METAP1D: variants seen among roughly 807,000 people sequenced by gnomAD.
METAP1D encodes the protein methionine aminopeptidase 1D, mitochondrial.
METAP1D carries 31 observed loss-of-function variants against 40.5 expected under a neutral mutation model. That is an observed-to-expected ratio of 0.77 (90% CI 0.58 to 1.03). The LOEUF (loss-of-function observed/expected upper bound fraction) is 1.03. Among genes scored for constraint, METAP1D ranks in the 50% least tolerant of loss-of-function variants. METAP1D has a pLI of 0.00. For missense variants in METAP1D, 411 were observed against 420.7 expected (o/e 0.98, Z 0.20); for synonymous variants, 151 against 146.4 (o/e 1.03, Z -0.22).
At chr2:172,008,346 A>G (rs542738827) in intron 1 of METAP1D, among the ~76,000 whole-genome samples, 10 of 152,318 alleles carry the variant, frequency 6.6e-5, no homozygotes, top group South Asian at 6.2e-4. Context: ...TTTATCAGCT[A>G]GAAAACATCT....
chr2:172,043,049 A>G lies in METAP1D; in HGVS notation c.41-18449A>G, dbSNP rs1319114512. 3.3e-5 allele frequency among the ~76,000 whole-genome samples: 4 copies of G among 119,648 alleles called. 1 individual carries two copies. Among genetic ancestry groups the G allele is most frequent in the Non-Finnish European group, 7.9e-5 (4 of 50,848 alleles). The allele number at this position is 119,648 out of a possible 152,430, so 78.5% of individuals were successfully genotyped here. A position where few individuals can be genotyped will look rare whatever the true frequency, so the allele number is the denominator to read the frequency against. On this transcript the variant is annotated intron_variant, in intron 1 of 9. Coordinates refer to ENST00000315796, the MANE Select transcript of METAP1D (RefSeq NM_199227.3). ...TATGTGTATATGTGTACACGTGTAC[A>G]CATATATGTGTATATATATACGTGT...
intron 1 of METAP1D, among the ~76,000 whole-genome samples, chr2:172,025,671 G>A (rs184544540): frequency 6.6e-6 from 1 of 152,200 alleles, no homozygotes; most frequent in African/African-American, 2.4e-5. Context: ...ATAATGGTAT[G>A]AGTCTCCATG....
intron 1 of METAP1D, among the ~76,000 whole-genome samples, chr2:172,015,173 G>T (rs1327366105): frequency 1.3e-5 from 2 of 152,260 alleles, no homozygotes; most frequent in East Asian, 1.9e-4. Context: ...GTCGGGCGTG[G>T]TGGCTCACGC....
At chr2:172,024,494 C>T (rs1468511069) in intron 1 of METAP1D, among the ~76,000 whole-genome samples, 1 of 152,026 alleles carries the variant, frequency 6.6e-6, no homozygotes, top group African/African-American at 2.4e-5. Context: ...CAACCAATGA[C>T]CTCTCCAGGC....
chr2:172,078,201 G>A (rs540450355), intron 7 of METAP1D, among the ~76,000 whole-genome samples: 9 of 152,218 alleles, frequency 5.9e-5, no homozygotes, highest in Non-Finnish European at 8.8e-5. Flanking sequence ...AAAACAAAAC[G>A]CCACTGCATC....
intron 5 of METAP1D, 139 bp downstream of exon 5, chr2:172,066,445 T>G: frequency 1.5e-6 from 1 of 658,386 alleles, no homozygotes; most frequent in Non-Finnish European, 2.5e-6. Flanking sequence ...GCTGGTTTCC[T>G]TTTTTGTCTT....
In METAP1D at chr2:172,041,726, T is replaced by TTTTATATATA. The variant is rs1273069042; in HGVS notation, c.41-19771_41-19770insTTATATATAT. ...TTTTAATTTCCTTACTCTAATTATT[T>TTTTATATATA]TATATATATATATATATATATATAT... On this transcript the variant is annotated intron_variant, in intron 1 of 9. Transcript: ENST00000315796. Among the ~76,000 whole-genome samples the TTTTATATATA allele has an allele frequency of 8.0e-4, 30 of 37,560 alleles. 1 individual carries two copies. The highest frequency in any genetic ancestry group is 1.4e-3 in the Non-Finnish European group (22 of 15,594). 24.6% of individuals were successfully genotyped at this position (37,560 alleles called of 152,430 possible).
At chr2:172,027,457 C>T (rs1205198687) in intron 1 of METAP1D, among the ~76,000 whole-genome samples, 1 of 152,194 alleles carries the variant, frequency 6.6e-6, no homozygotes, top group African/African-American at 2.4e-5. Flanking sequence ...TAGGCTATCC[C>T]ATATAGCATA....
intron 1 of METAP1D, among the ~76,000 whole-genome samples, chr2:172,004,716 G>A (rs1318413835): frequency 6.6e-6 from 1 of 152,146 alleles, no homozygotes; most frequent in Non-Finnish European, 1.5e-5. Flanking sequence ...CTATTACTTA[G>A]ACTACATTCC....
At chr2:172,063,976 T>C in intron 3 of METAP1D, 116 bp downstream of exon 3, 1 of 1,244,404 alleles carries the variant, frequency 8.0e-7, no homozygotes, top group Non-Finnish European at 1.0e-6. Context: ...TAAAAATTTA[T>C]TTGTTTTAAA....
At chr2:172,076,845 G>A (rs942808376) in intron 6 of METAP1D, among the ~76,000 whole-genome samples, 18 of 152,190 alleles carry the variant, frequency 1.2e-4, no homozygotes, top group African/African-American at 4.3e-4. Flanking sequence ...TAGTGTTAGG[G>A]TTAGGGGCAT....
intron 1 of METAP1D, among the ~76,000 whole-genome samples, chr2:172,028,335 C>T (rs1042398448): frequency 6.6e-6 from 1 of 152,024 alleles, no homozygotes; most frequent in African/African-American, 2.4e-5. Flanking sequence ...CTGTGGCTGG[C>T]GGCAGTGAGT....
chr2:172,079,958 T>C (rs1690660648), intron 8 of METAP1D, among the ~76,000 whole-genome samples, 170 bp from the exon 9 acceptor site: 1 of 152,194 alleles, frequency 6.6e-6, no homozygotes, highest in South Asian at 2.1e-4. Flanking sequence ...GTTTGTAGTA[T>C]ACTATGTAAG....
intron 1 of METAP1D, among the ~76,000 whole-genome samples, chr2:172,024,026 T>C (rs1215861315): frequency 6.6e-6 from 1 of 151,926 alleles, no homozygotes; most frequent in Non-Finnish European, 1.5e-5. Context: ...GGCTAATTTT[T>C]GATTTTGTAT....
Position 172,011,897 on chromosome 2 carries a change from T to C in METAP1D, c.40+11888T>C, listed in dbSNP as rs930710951. On this transcript the variant is annotated intron_variant, in intron 1 of 9. Coordinates refer to ENST00000315796, the MANE Select transcript of METAP1D (RefSeq NM_199227.3). The stretch of plus-strand genomic sequence containing the variant: ...ATTTTGTTTTGGTTTTGAAATAGGC[T>C]ATGTTTAGATGCAGAGGGAAGCAAA... 3.9e-4 allele frequency among the ~76,000 whole-genome samples: 60 copies of C among 152,372 alleles called. No individual in the cohort carries two copies. The Middle Eastern group carries it at 0.014, about 35-fold the overall frequency.
chr2:172,038,520 C>T (rs940318187), intron 1 of METAP1D, among the ~76,000 whole-genome samples: 3 of 152,028 alleles, frequency 2.0e-5, no homozygotes, highest in Admixed American at 6.6e-5. Context: ...TTACTGTGAC[C>T]GAGACCAAAT....
intron 2 of METAP1D, 183 bp downstream of exon 2, chr2:172,061,838 T>A (rs898788469): frequency 1.6e-5 from 7 of 434,662 alleles, no homozygotes; most frequent in Non-Finnish European, 2.8e-5. Context: ...AGCATTAATT[T>A]TTTAAAACAA....
intron 1 of METAP1D, among the ~76,000 whole-genome samples, chr2:172,011,353 C>T (rs183348515): frequency 5.5e-4 from 82 of 150,064 alleles, no homozygotes; most frequent in African/African-American, 5.4e-4. Flanking sequence ...GGCGCGATCT[C>T]GGCTCACTGC....
Position 172,034,017 on chromosome 2 carries a change from C to A in METAP1D, c.41-27481C>A, listed in dbSNP as rs1022165042. The stretch of plus-strand genomic sequence containing the variant: ...ACTTGAACCCAGGAGGCGGAGGTTG[C>A]GGCGAGTGGAGATCATGCCATTGTA... On this transcript the variant is annotated intron_variant, in intron 1 of 9. Coordinates refer to ENST00000315796, the MANE Select transcript of METAP1D (RefSeq NM_199227.3). Among the ~76,000 whole-genome samples, 3 of 138,034 alleles carry A rather than the reference C, an allele frequency of 2.2e-5. No homozygotes were observed. In the Admixed American group the frequency reaches 2.5e-4, roughly 11 times the overall value. 90.6% of individuals were successfully genotyped at this position (138,034 alleles called of 152,430 possible).
Sources: allele counts gnomAD v4.1 joint callset (sites outside exome capture counted in the v4.1 genomes callset), GRCh38; gene constraint gnomAD v4.1.1; transcripts MANE v1.5; gene names NCBI Gene and HGNC (gene_info 2026-07-23, HGNC 2026-07-21).